Variants in YPEL1 observed in about 807,000 individuals in gnomAD.
YPEL1 encodes protein yippee-like 1.
YPEL1 carries 7 observed loss-of-function variants against 17.3 expected under a neutral mutation model. The ratio of observed to expected loss-of-function variants is 0.40; its 90% CI spans 0.23 to 0.76. YPEL1 has a LOEUF of 0.76. YPEL1 is among the 30% of genes least tolerant of loss of function. The pLI is 0.35. For synonymous variants in YPEL1, 59 were observed against 59.6 expected (o/e 0.99, Z 0.05); for missense variants, 91 against 155.5 (o/e 0.59, Z 2.21).
chr22:21,704,050 A>G (rs2068092958), intron 2 of YPEL1, 168 bp from the exon 3 acceptor site: 3 of 767,290 alleles, frequency 3.9e-6, no homozygotes, highest in African/African-American at 1.7e-5. Context: ...AATAACAGCC[A>G]CTTAACGGAG....
Position 21,701,028 on chromosome 22 carries a change from C to G in YPEL1, c.*101G>C, listed in dbSNP as rs1387172230. 3.8e-6 allele frequency: 4 copies of G among 1,060,036 alleles called. No homozygotes were observed. In the African/African-American group the frequency reaches 6.2e-5, roughly 17 times the overall value. The allele number at this position is 1,060,036 out of a possible 1,614,324, so 65.7% of individuals were successfully genotyped here. A position where few individuals can be genotyped will look rare whatever the true frequency, so the allele number is the denominator to read the frequency against. ...GCTATGCGCAGCTAGCCTTTGAGGT[C>G]AGAGGGCAAGAAAGGCTGTCACCAG... On this transcript the variant is annotated 3_prime_UTR_variant, in exon 5 of 5. Coordinates refer to ENST00000339468, the MANE Select transcript of YPEL1 (RefSeq NM_013313.5).
chr22:21,703,864 C>A lies in YPEL1; in HGVS notation c.136G>T (p.Gly46Ter). Residue 46 changes from glycine (G) to a stop codon, truncating the protein, a stop_gained, in exon 3 of 5, where the codon GGA (glycine) becomes TGA (stop). Coordinates refer to ENST00000339468, the MANE Select transcript of YPEL1 (RefSeq NM_013313.5). LOFTEE classifies it high-confidence loss of function. This position sits in a 1 kb window ranked among gnomAD's most constrained non-coding sequence, Gnocchi z 6.1. ...LISKSFQGSQ[G>*]RAYLFNSVVN... ...ACGGAATTGAAGAGGTAGGCGCGTC[C>A]CTGGCTCCCCTGAAAGGACTGAAAG... 6.2e-7 allele frequency: 1 copy of A among 1,605,582 alleles called. No individual in the cohort carries two copies. Among genetic ancestry groups the A allele is most frequent in the East Asian group, 2.3e-5 (1 of 44,256 alleles).
chr22:21,703,049 C>T lies in YPEL1; in HGVS notation c.270+321G>A, dbSNP rs767086318. On this transcript the variant is annotated intron_variant, in intron 4 of 4. Coordinates refer to ENST00000339468, the MANE Select transcript of YPEL1 (RefSeq NM_013313.5). The surrounding 1 kb of genome is among the most constrained non-coding windows in gnomAD (Gnocchi z 6.1). ...CTCCCGCAGCCCCCTGCAGCCTCCT[C>T]GGCCTCCTCCCACACCAGGCTCTGC... Among the ~76,000 whole-genome samples, 1 of 152,246 alleles carries T rather than the reference C, an allele frequency of 6.6e-6. No homozygotes were observed. Among genetic ancestry groups the T allele is most frequent in the Non-Finnish European group, 1.5e-5 (1 of 68,042 alleles).
chr22:21,723,830 T>G (rs1430086542), intron 1 of YPEL1, among the ~76,000 whole-genome samples: 1 of 151,588 alleles, frequency 6.6e-6, no homozygotes, highest in Non-Finnish European at 1.5e-5. Flanking sequence ...CACGCCCAGC[T>G]GATTTTTTGT....
chr22:21,723,588 A>G (rs2068304470), intron 1 of YPEL1, among the ~76,000 whole-genome samples: 1 of 151,890 alleles, frequency 6.6e-6, no homozygotes, highest in South Asian at 2.1e-4. Flanking sequence ...GGTTGGTCTC[A>G]AACTCCTGAC....
At chr22:21,704,841 C>A (rs1477897335) in intron 2 of YPEL1, among the ~76,000 whole-genome samples, 1 of 152,158 alleles carries the variant, frequency 6.6e-6, no homozygotes, top group Non-Finnish European at 1.5e-5. Flanking sequence ...CCCCCTGATG[C>A]ACTTGGTCAC....
In YPEL1 at chr22:21,710,847, C is replaced by T. The variant is rs1319543019; in HGVS notation, c.-103G>A. ...AACACTGGAAAATGCACGCAAGAGCCGTCGTTGTCCAGGAGGGCGTGTGGC... is the reference window on the plus strand; with the variant it reads ...AACACTGGAAAATGCACGCAAGAGCTGTCGTTGTCCAGGAGGGCGTGTGGC... On this transcript the variant is annotated 5_prime_UTR_variant, in exon 2 of 5. Transcript: ENST00000339468. The T allele has an allele frequency of 4.0e-5, 42 of 1,042,866 alleles. 1 individual carries two copies. The highest frequency in any genetic ancestry group is 6.2e-5 in the Non-Finnish European group (41 of 665,780). The allele number at this position is 1,042,866 out of a possible 1,614,324, so 64.6% of individuals were successfully genotyped here.
chr22:21,724,572 CTTTTTTTT>C (rs111485924), intron 1 of YPEL1, among the ~76,000 whole-genome samples: 1 of 134,584 alleles, frequency 7.4e-6, no homozygotes, highest in Admixed American at 7.3e-5. Flanking sequence ...AAATTTTTTT[CTTTTTTTT>C]TTTTTTTGTT....
intron 1 of YPEL1, among the ~76,000 whole-genome samples, chr22:21,728,767 T>C (rs1036837572): frequency 6.6e-6 from 1 of 152,164 alleles, no homozygotes; most frequent in Non-Finnish European, 1.5e-5. Context: ...CCCAGCACTT[T>C]GGGAACCCAA....
chr22:21,712,367 T>TAAAAAAA (rs34536579), intron 1 of YPEL1, among the ~76,000 whole-genome samples: 16 of 130,568 alleles, frequency 1.2e-4, no homozygotes, highest in South Asian at 7.5e-4. Flanking sequence ...TTGGAATATG[T>TAAAAAAA]AAAAAAAAAA....
intron 2 of YPEL1, among the ~76,000 whole-genome samples, chr22:21,705,549 G>A (rs2068107012): frequency 2.0e-5 from 3 of 152,212 alleles, no homozygotes; most frequent in Non-Finnish European, 4.4e-5. Context: ...AGGCTATGAG[G>A]AATGTGACTG....
rs1325237980 is a variant in YPEL1, at chr22:21,703,988, G to A, written c.118-106C>T. On this transcript the variant is annotated intron_variant, in intron 2 of 4. Transcript: ENST00000339468. This position sits in a 1 kb window ranked among gnomAD's most constrained non-coding sequence, Gnocchi z 6.1. ...GCCCCGCGGCTGTTAGCTGCGCCGGGACGCGTCACCGGGAGCAGACACCGG... is the reference window on the plus strand; with the variant it reads ...GCCCCGCGGCTGTTAGCTGCGCCGGAACGCGTCACCGGGAGCAGACACCGG... 2.3e-6 allele frequency: 3 copies of A among 1,297,324 alleles called. No homozygotes were observed. The African/African-American group carries it at 4.4e-5, about 19-fold the overall frequency. The allele number at this position is 1,297,324 out of a possible 1,614,324, so 80.4% of individuals were successfully genotyped here.
In YPEL1 at chr22:21,700,045, A is replaced by G. The variant is rs1376874431; in HGVS notation, c.*1084T>C. On this transcript the variant is annotated 3_prime_UTR_variant, in exon 5 of 5. Transcript: ENST00000339468. Reference sequence around the variant, plus strand: ...CAATTTAGAGTGTATCTAAAATGTCATCTGTGCTGGCCTCTGTTTTTGAAC... The same window carrying G: ...CAATTTAGAGTGTATCTAAAATGTCGTCTGTGCTGGCCTCTGTTTTTGAAC... 1 of 152,390 alleles carries G rather than the reference A, an allele frequency of 6.6e-6. No individual in the cohort carries two copies. The highest frequency in any genetic ancestry group is 2.4e-5 in the African/African-American group (1 of 41,462). The allele number at this position is 152,390 out of a possible 1,614,324, so 9.4% of individuals were successfully genotyped here.
rs1328548713 is a variant in YPEL1, at chr22:21,700,333, G to T, written c.*796C>A. ...CTGGTTCTCTCTTGTTTTAAATTGA[G>T]ACGGAGTCTCGCCCTATTGCCAGGC... On this transcript the variant is annotated 3_prime_UTR_variant, in exon 5 of 5. Coordinates refer to ENST00000339468, the MANE Select transcript of YPEL1 (RefSeq NM_013313.5). The T allele has an allele frequency of 6.6e-6, 1 of 152,202 alleles. No individual in the cohort carries two copies. Among genetic ancestry groups the T allele is most frequent in the Non-Finnish European group, 1.5e-5 (1 of 68,058 alleles). The allele number at this position is 152,202 out of a possible 1,614,324, so 9.4% of individuals were successfully genotyped here.
Position 21,710,494 on chromosome 22 carries a change from G to A in YPEL1, c.117+134C>T, listed in dbSNP as rs562064897. On this transcript the variant is annotated intron_variant, in intron 2 of 4. Coordinates refer to ENST00000339468, the MANE Select transcript of YPEL1 (RefSeq NM_013313.5). ...CATGCACAAAACGCTCACCAATGCT[G>A]CCTAGAAGGCTCTAGACGTTCAGGA... is the stretch of plus-strand genomic sequence containing the variant. The A allele has an allele frequency of 6.2e-6, 5 of 800,688 alleles. No individual in the cohort carries two copies. The Admixed American group carries it at 7.3e-5, about 12-fold the overall frequency. 49.6% of individuals were successfully genotyped at this position (800,688 alleles called of 1,614,324 possible).
At chr22:21,716,021 C>T (rs1375026943) in intron 1 of YPEL1, among the ~76,000 whole-genome samples, 1 of 152,182 alleles carries the variant, frequency 6.6e-6, no homozygotes, top group African/African-American at 2.4e-5. Flanking sequence ...CTTGGCCTCC[C>T]AAAGTGCTGG....
intron 1 of YPEL1, among the ~76,000 whole-genome samples, chr22:21,724,572 CTTTTTTTTTTTTTTTG>C (rs2068314954): frequency 7.4e-6 from 1 of 134,584 alleles, no homozygotes; most frequent in African/African-American, 2.8e-5. Flanking sequence ...AAATTTTTTT[CTTTTTTTTTTTTTTTG>C]TTTTTGTTTT....
At chr22:21,727,782 C>G (rs2148614355) in intron 1 of YPEL1, among the ~76,000 whole-genome samples, 1 of 152,316 alleles carries the variant, frequency 6.6e-6, no homozygotes, top group African/African-American at 2.4e-5. Context: ...CCTGGGGCAC[C>G]TGTGTAGAGG....
intron 1 of YPEL1, among the ~76,000 whole-genome samples, chr22:21,716,404 G>A (rs2068224169): frequency 6.6e-6 from 1 of 152,258 alleles, no homozygotes; most frequent in Admixed American, 6.5e-5. Context: ...CACCATCTGG[G>A]GAAACCAGAA....
Sources: gnomAD v4.1 joint callset for allele counts (sites outside exome capture counted in the v4.1 genomes callset) on GRCh38, gnomAD v4.1.1 for gene constraint, Gnocchi (gnomAD v3.1) non-coding constraint, MANE v1.5 for transcripts, NCBI Gene and HGNC (gene_info 2026-07-23, HGNC 2026-07-21) for gene names.